Variants in GFOD2 observed in about 807,000 individuals in gnomAD.
GFOD2 encodes Gfo/Idh/MocA-like oxidoreductase domain containing 2.
GFOD2 carries 9 observed loss-of-function variants against 24.6 expected under a neutral mutation model. That is an observed-to-expected ratio of 0.37 (90% CI 0.22 to 0.64). GFOD2 has a LOEUF of 0.64. Among genes scored for constraint, GFOD2 ranks in the 30% least tolerant of loss-of-function variants. The probability of loss-of-function intolerance (pLI) is 0.65; values close to 1 mark genes in which losing one functional copy is unlikely to be tolerated. For missense variants in GFOD2, 476 were observed against 532.5 expected, an observed-to-expected ratio of 0.89 and a Z score of 1.04; for synonymous variants, 211 against 224.8, an observed-to-expected ratio of 0.94 and a Z score of 0.55.
intron 1 of GFOD2, among the ~76,000 whole-genome samples, chr16:67,703,458 G>C (rs1169589584): frequency 6.6e-6 from 1 of 152,052 alleles, no homozygotes; most frequent in African/African-American, 2.4e-5. Context: ...GTATTTCCTA[G>C]CATTCCTTGT....
At chr16:67,692,579 C>CAAACA (rs1195113997) in intron 1 of GFOD2, among the ~76,000 whole-genome samples, 7 of 150,838 alleles carry the variant, frequency 4.6e-5, no homozygotes, top group Non-Finnish European at 7.4e-5. Context: ...GACTCTGTCT[C>CAAACA]AAACAAAACA....
chr16:67,694,098 G>A (rs1378586793), intron 1 of GFOD2, among the ~76,000 whole-genome samples: 3 of 151,852 alleles, frequency 2.0e-5, no homozygotes, highest in Admixed American at 1.3e-4. Context: ...AGGCTGAGGC[G>A]ATTCTCCTGC....
chr16:67,702,300 A>C (rs1057357551), intron 1 of GFOD2, among the ~76,000 whole-genome samples: 3 of 151,962 alleles, frequency 2.0e-5, no homozygotes, highest in African/African-American at 7.3e-5. Context: ...CATGTGAAAC[A>C]CTGTCTCTGC....
At chr16:67,708,231 T>G (rs1440331601) in intron 1 of GFOD2, among the ~76,000 whole-genome samples, 1 of 152,222 alleles carries the variant, frequency 6.6e-6, no homozygotes, top group Non-Finnish European at 1.5e-5. Flanking sequence ...CCTTGCAAAT[T>G]CAGTTCTGTA....
chr16:67,698,019 G>A (rs530160315), intron 1 of GFOD2, among the ~76,000 whole-genome samples: 1 of 152,258 alleles, frequency 6.6e-6, no homozygotes, highest in East Asian at 1.9e-4. Flanking sequence ...CCTGCTTTTT[G>A]TCTCTGGAGT....
At chr16:67,681,975 T>C (rs1160823502) in intron 2 of GFOD2, 1 of 657,318 alleles carries the variant, frequency 1.5e-6, no homozygotes, top group Non-Finnish European at 1.9e-6. Context: ...AGGTTAGGAG[T>C]TCGAAACCAG....
chr16:67,704,950 A>G (rs1278653059), intron 1 of GFOD2, among the ~76,000 whole-genome samples: 1 of 152,198 alleles, frequency 6.6e-6, no homozygotes, highest in Non-Finnish European at 1.5e-5. Flanking sequence ...CTCAAGGCTT[A>G]TTGACAGTAG....
At chr16:67,700,769 A>AT (rs1479904084) in intron 1 of GFOD2, among the ~76,000 whole-genome samples, 2 of 150,280 alleles carry the variant, frequency 1.3e-5, no homozygotes, top group African/African-American at 4.9e-5. Flanking sequence ...TCAGTGGCTC[A>AT]TGCCTGTAAT....
intron 1 of GFOD2, among the ~76,000 whole-genome samples, chr16:67,705,977 A>ATTT (rs905493100): frequency 9.7e-5 from 10 of 103,600 alleles, no homozygotes; most frequent in Non-Finnish European, 1.4e-4. Context: ...TTTCCCTGTG[A>ATTT]TTTTTTTTTT....
At chr16:67,707,406 C>A (rs564498446) in intron 1 of GFOD2, among the ~76,000 whole-genome samples, 58 of 150,884 alleles carry the variant, frequency 3.8e-4, no homozygotes, top group African/African-American at 1.4e-3. Flanking sequence ...AGAGGATATG[C>A]GGCAAATGGA....
Position 67,685,696 on chromosome 16 carries a change from A to T in GFOD2, c.20T>A (p.Val7Glu). The change falls in exon 2 of 3, where the codon GTG (valine) becomes GAG (glutamate). Residue 7 changes from valine (V) to glutamate (E), a missense_variant. Coordinates refer to ENST00000268797, the MANE Select transcript of GFOD2 (RefSeq NM_030819.4). The part of the protein sequence containing the change: MKMLPG[V>E]GVFGTGSSAR... ...GGAGCTGCCAGTCCCAAACACGCCCACTCCTGGCAGCATCTTCATCCCAGC... is the reference window on the plus strand; with the variant it reads ...GGAGCTGCCAGTCCCAAACACGCCCTCTCCTGGCAGCATCTTCATCCCAGC... 1 of 1,611,542 alleles carries T rather than the reference A, an allele frequency of 6.2e-7. No homozygotes were observed. The highest frequency in any genetic ancestry group is 8.5e-7 in the Non-Finnish European group (1 of 1,179,054).
Position 67,675,797 on chromosome 16 carries a change from G to A in GFOD2, c.516C>T (p.Gly172=), listed in dbSNP as rs756472364. The A allele has an allele frequency of 4.3e-6, 7 of 1,614,074 alleles. No individual in the cohort carries two copies. The highest frequency in any genetic ancestry group is 2.7e-5 in the African/African-American group (2 of 75,060). Residue 172 remains glycine (G), a synonymous_variant, in exon 3 of 3, where the codon GGC becomes GGT. Transcript: ENST00000268797. The part of the protein sequence containing the change: ...YGWICDELMG[G]GGLHTMGTYI... ...AGGTCCCCATGGTGTGCAAGCCCCC[G>A]CCGCCCATGAGCTCATCACAGATCC...
chr16:67,702,504 C>A (rs1158395511), intron 1 of GFOD2, among the ~76,000 whole-genome samples: 2 of 150,182 alleles, frequency 1.3e-5, no homozygotes, highest in Non-Finnish European at 3.0e-5. Context: ...TGGCCCTTTA[C>A]AGAAAAGATT....
chr16:67,700,736 C>G (rs904196656), intron 1 of GFOD2, among the ~76,000 whole-genome samples: 1 of 147,624 alleles, frequency 6.8e-6, no homozygotes, highest in African/African-American at 2.5e-5. Context: ...AACAAACAAA[C>G]AAAAAACAAA....
intron 1 of GFOD2, among the ~76,000 whole-genome samples, chr16:67,714,880 G>A (rs941296160): frequency 4.6e-5 from 7 of 152,174 alleles, no homozygotes; most frequent in African/African-American, 1.7e-4. Context: ...GGGTCCCAAA[G>A]AGTATATACA....
chr16:67,716,037 T>A (rs963937538), intron 1 of GFOD2, among the ~76,000 whole-genome samples: 1 of 152,156 alleles, frequency 6.6e-6, no homozygotes, highest in African/African-American at 2.4e-5. Flanking sequence ...AAAATAAATA[T>A]GCATGAGTGA....
chr16:67,704,456 T>G (rs1046932504), intron 1 of GFOD2, among the ~76,000 whole-genome samples: 1 of 152,146 alleles, frequency 6.6e-6, no homozygotes, highest in African/African-American at 2.4e-5. Context: ...GCTGCCATCG[T>G]TTTTTGGATT....
intron 1 of GFOD2, among the ~76,000 whole-genome samples, chr16:67,692,113 T>G (rs1223022830): frequency 6.6e-6 from 1 of 151,506 alleles, no homozygotes; most frequent in Non-Finnish European, 1.5e-5. Flanking sequence ...GGTGCAGAGT[T>G]GGAGACAATC....
chr16:67,686,534 A>G (rs1278648120), intron 1 of GFOD2, among the ~76,000 whole-genome samples: 1 of 152,092 alleles, frequency 6.6e-6, no homozygotes, highest in African/African-American at 2.4e-5. Context: ...TATGACAAAG[A>G]AAAGAAGAGT....
Sources: allele counts gnomAD v4.1 joint callset (sites outside exome capture counted in the v4.1 genomes callset), GRCh38; gene constraint gnomAD v4.1.1; transcripts MANE v1.5; gene names NCBI Gene and HGNC (gene_info 2026-07-23, HGNC 2026-07-21).